The following TRDMT1 variants were observed in gnomAD, a reference collection of about 807,000 sequenced individuals.
The protein encoded by TRDMT1 is tRNA (cytosine(38)-C(5))-methyltransferase.
TRDMT1 carries 49 observed loss-of-function variants against 51.2 expected under a neutral mutation model. The ratio of observed to expected loss-of-function variants is 0.96; its 90% CI spans 0.76 to 1.21. The LOEUF (loss-of-function observed/expected upper bound fraction) is 1.21, where lower values mean the gene tolerates loss of function less well. Ranked by LOEUF, TRDMT1 falls within the 50% of genes most tolerant of loss-of-function variation. The probability of loss-of-function intolerance (pLI) is 0.00; values close to 1 mark genes in which losing one functional copy is unlikely to be tolerated. For synonymous variants in TRDMT1, 187 were observed against 164.6 expected (o/e 1.14, Z -1.04); for missense variants, 534 against 462.3 (o/e 1.16, Z -1.42).
At chr10:17,178,528 T>A (rs7068524) in intron 1 of TRDMT1, among the ~76,000 whole-genome samples, 44,954 of 151,544 alleles carry the variant, frequency 0.3, 6,890 homozygotes, top group Middle Eastern at 0.4. Context: ...ATACAAAAAT[T>A]AGCCAGGCAT....
In TRDMT1 at chr10:17,168,997, T is replaced by A. The variant is rs1438497535; in HGVS notation, c.175-80A>T. 4.4e-6 allele frequency: 4 copies of A among 899,792 alleles called. No individual in the cohort carries two copies. The African/African-American group carries it at 6.8e-5, about 15-fold the overall frequency. 55.7% of individuals were successfully genotyped at this position (899,792 alleles called of 1,614,324 possible). On this transcript the variant is annotated intron_variant, in intron 2 of 10. Transcript: ENST00000377799. Reference sequence around the variant, plus strand: ...GGAAGAGGGAAAATACTAACTATAATTAAATATATCAGAAACTGAAACAGT... The same window carrying A: ...GGAAGAGGGAAAATACTAACTATAAATAAATATATCAGAAACTGAAACAGT...
chr10:17,168,657 T>C (rs901503863), intron 3 of TRDMT1, among the ~76,000 whole-genome samples, 184 bp downstream of exon 3: 5 of 152,194 alleles, frequency 3.3e-5, no homozygotes, highest in African/African-American at 1.2e-4. Flanking sequence ...AACATCTCTC[T>C]CTTTACCTGC....
intron 1 of TRDMT1, among the ~76,000 whole-genome samples, chr10:17,176,358 C>T (rs1031118190): frequency 2.6e-5 from 4 of 152,038 alleles, no homozygotes; most frequent in Non-Finnish European, 5.9e-5. Context: ...TGAAAATGTA[C>T]AGTGATGTGC....
At chr10:17,199,826 T>A (rs1845920141) in intron 1 of TRDMT1, among the ~76,000 whole-genome samples, 1 of 152,200 alleles carries the variant, frequency 6.6e-6, no homozygotes, top group South Asian at 2.1e-4. Context: ...ATAGCTTGGA[T>A]TCACAACAGT....
chr10:17,155,820 C>T (rs1326292654), intron 8 of TRDMT1, among the ~76,000 whole-genome samples: 3 of 152,186 alleles, frequency 2.0e-5, no homozygotes, highest in Non-Finnish European at 2.9e-5. Context: ...CATATAAATA[C>T]GTGTGTATAT....
At position 17,138,196 on chromosome 10, in the gene TRDMT1, CCCTT is replaced by C. The variant is rs1288977457; in HGVS notation, c.*10840_*10843del. Among the ~76,000 whole-genome samples the C allele has an allele frequency of 6.6e-6, 1 of 152,086 alleles. No homozygotes were observed. The highest frequency in any genetic ancestry group is 1.9e-4 in the East Asian group (1 of 5,190). On this transcript the variant is annotated 3_prime_UTR_variant, in exon 11 of 11. Transcript: ENST00000377799. The stretch of plus-strand genomic sequence containing the variant: ...ATCTGGCTTTTGTGCTTTTTTTAGT[CCCTT>C]TTCATTTTCATATCAGTTTAAAACA...
At chr10:17,196,631 T>C (rs975339992) in intron 1 of TRDMT1, among the ~76,000 whole-genome samples, 2 of 152,260 alleles carry the variant, frequency 1.3e-5, no homozygotes, top group African/African-American at 2.4e-5. Flanking sequence ...CAAATATGTA[T>C]TTAAAAATGT....
chr10:17,179,504 G>C (rs1843015155), intron 1 of TRDMT1, among the ~76,000 whole-genome samples: 1 of 151,630 alleles, frequency 6.6e-6, no homozygotes, highest in Non-Finnish European at 1.5e-5. Context: ...CATTTATCTG[G>C]AATATTATAG....
chr10:17,146,845 A>G lies in TRDMT1; in HGVS notation c.*2195T>C. The stretch of plus-strand genomic sequence containing the variant: ...TTTTCCAAATTAATTATGCATACAT[A>G]TACATCTGCTAATTGAATGACACTG... On this transcript the variant is annotated 3_prime_UTR_variant, in exon 11 of 11. Coordinates refer to ENST00000377799, the MANE Select transcript of TRDMT1 (RefSeq NM_004412.7). 3 of 985,398 alleles carry G rather than the reference A, an allele frequency of 3.0e-6. No homozygotes were observed. The African/African-American group carries it at 5.2e-5, about 17-fold the overall frequency. 61.0% of individuals were successfully genotyped at this position (985,398 alleles called of 1,614,324 possible). A position where few individuals can be genotyped will look rare whatever the true frequency, so the allele number is the denominator to read the frequency against.
intron 9 of TRDMT1, among the ~76,000 whole-genome samples, chr10:17,154,406 AACT>A (rs1280756789): frequency 6.6e-6 from 1 of 152,134 alleles, no homozygotes; most frequent in Non-Finnish European, 1.5e-5. Flanking sequence ...GCTGAGTTTC[AACT>A]ACTATTTATG....
At chr10:17,187,114 G>A (rs1844041082) in intron 1 of TRDMT1, among the ~76,000 whole-genome samples, 1 of 152,146 alleles carries the variant, frequency 6.6e-6, no homozygotes, top group Non-Finnish European at 1.5e-5. Flanking sequence ...AAAGGAACAT[G>A]ACTGTCTCGT....
intron 10 of TRDMT1, among the ~76,000 whole-genome samples, chr10:17,149,689 T>C (rs1838441101): frequency 6.6e-6 from 1 of 152,122 alleles, no homozygotes; most frequent in Non-Finnish European, 1.5e-5. Flanking sequence ...TTTCTGTTTC[T>C]AGGAGTGTCT....
Position 17,174,613 on chromosome 10 carries a change from C to G in TRDMT1, c.112G>C (p.Val38Leu). 6.2e-7 allele frequency: 1 copy of G among 1,614,060 alleles called. No homozygotes were observed. Among genetic ancestry groups the G allele is most frequent in the Non-Finnish European group, 8.5e-7 (1 of 1,179,976 alleles). The change falls in exon 2 of 11, where the codon GTC becomes CTC. Residue 38 changes from valine to leucine, a missense_variant. Val to Leu is a conservative substitution (Grantham distance 32, BLOSUM62 1). Transcript: ENST00000377799. The stretch of plus-strand genomic sequence containing the variant: ...TTATACTTGTATACTTCATTAGCGA[C>G]AGTGTTGACATCAATGGCAGCCACC... Reference protein sequence around the residue: ...QVVAAIDVNTVANEVYKYNFP... With the variant: ...QVVAAIDVNTLANEVYKYNFP...
intron 1 of TRDMT1, among the ~76,000 whole-genome samples, chr10:17,200,883 A>G (rs2131648228): frequency 6.6e-6 from 1 of 152,316 alleles, no homozygotes; most frequent in South Asian, 2.1e-4. Context: ...CAAGCACTTG[A>G]CAGACTTTAA....
At position 17,148,261 on chromosome 10, in the gene TRDMT1, T is replaced by C; in HGVS notation, c.*779A>G. 3.0e-6 allele frequency: 3 copies of C among 985,466 alleles called. No individual in the cohort carries two copies. Among genetic ancestry groups the C allele is most frequent in the Non-Finnish European group, 3.6e-6 (3 of 829,958 alleles). 61.0% of individuals were successfully genotyped at this position (985,466 alleles called of 1,614,324 possible). ...TGGGATCAGAGGGCAGCTTCCTCCCTGAAATCTTAACGTCATGCTACATTC... is the reference window on the plus strand; with the variant it reads ...TGGGATCAGAGGGCAGCTTCCTCCCCGAAATCTTAACGTCATGCTACATTC... On this transcript the variant is annotated 3_prime_UTR_variant, in exon 11 of 11. Transcript: ENST00000377799.
chr10:17,159,912 CA>C (rs1347564785), intron 6 of TRDMT1, among the ~76,000 whole-genome samples: 1 of 152,086 alleles, frequency 6.6e-6, no homozygotes, highest in Non-Finnish European at 1.5e-5. Flanking sequence ...GTTATGTCCC[CA>C]AAGCAGTAAC....
chr10:17,171,432 T>C lies in TRDMT1; in HGVS notation c.175-2515A>G, dbSNP rs1841996901. 4 of 152,376 alleles carry C rather than the reference T, an allele frequency of 2.6e-5. 1 individual carries two copies. The South Asian group carries it at 8.3e-4, about 32-fold the overall frequency. 9.4% of individuals were successfully genotyped at this position (152,376 alleles called of 1,614,324 possible). On this transcript the variant is annotated intron_variant, in intron 2 of 10. Coordinates refer to ENST00000377799, the MANE Select transcript of TRDMT1 (RefSeq NM_004412.7). ...AGTGAGAGGGCCCTCACGTATACAC[T>C]GATCCATGGGTAAATGGAACCGAGA... is the stretch of plus-strand genomic sequence containing the variant.
chr10:17,143,820 T>G lies in TRDMT1; in HGVS notation c.*5220A>C. The G allele has an allele frequency of 1.0e-6, 1 of 985,420 alleles. No homozygotes were observed. The highest frequency in any genetic ancestry group is 1.2e-6 in the Non-Finnish European group (1 of 829,940). The allele number at this position is 985,420 out of a possible 1,614,324, so 61.0% of individuals were successfully genotyped here. A position where few individuals can be genotyped will look rare whatever the true frequency, so the allele number is the denominator to read the frequency against. The stretch of plus-strand genomic sequence containing the variant: ...TGATCTTTGGTTATGAAGCTTGAAC[T>G]TGGAAGATGTGGAGACTAACCGTAC... On this transcript the variant is annotated 3_prime_UTR_variant, in exon 11 of 11. Coordinates refer to ENST00000377799, the MANE Select transcript of TRDMT1 (RefSeq NM_004412.7).
rs146276608 is a variant in TRDMT1, at chr10:17,195,195, T to C, written c.64+6376A>G. Among the ~76,000 whole-genome samples the C allele has an allele frequency of 2.0e-4, 30 of 152,224 alleles. No homozygotes were observed. In the Middle Eastern group the frequency reaches 0.014, roughly 69 times the overall value. The stretch of plus-strand genomic sequence containing the variant: ...ATGTTCATCACAGCACTAGTCACAA[T>C]AGCAAAGACGTGCCCATCAATGGCG... On this transcript the variant is annotated intron_variant, in intron 1 of 10. Transcript: ENST00000377799.
Sources: gnomAD v4.1 joint callset for allele counts (sites outside exome capture counted in the v4.1 genomes callset) on GRCh38, gnomAD v4.1.1 for gene constraint, MANE v1.5 for transcripts, NCBI Gene and HGNC (gene_info 2026-07-23, HGNC 2026-07-21) for gene names.